The following RCVRN variants were observed in gnomAD, a reference collection of about 807,000 sequenced individuals.
The protein encoded by RCVRN is cancer associated retinopathy antigen.
Under a neutral mutation model 20.4 loss-of-function variants are expected in RCVRN, and 23 were observed. The ratio of observed to expected loss-of-function variants is 1.13; its 90% CI spans 0.81 to 1.60. The LOEUF (loss-of-function observed/expected upper bound fraction) is 1.60. RCVRN is among the 40% of genes most tolerant of loss of function. The pLI is 0.00. For missense variants in RCVRN, 254 were observed against 254.2 expected (o/e 1.00, Z 0.00); for synonymous variants, 105 against 105.9 (o/e 0.99, Z 0.05).
rs2152055159 is a variant in RCVRN at position 9,904,741 on chromosome 17, A to G, written c.381+59T>C. On this transcript the variant is annotated intron_variant, in intron 1 of 2. Coordinates refer to ENST00000226193, the MANE Select transcript of RCVRN (RefSeq NM_002903.3). The surrounding 1 kb of genome is among the most constrained non-coding windows in gnomAD (Gnocchi z 5.8). The stretch of plus-strand genomic sequence containing the variant: ...CCCTCTGCAGCAGCTGCAGCAGGGG[A>G]CCCCCAGCCCGGAGCGACCCCGGCA... 1.3e-6 allele frequency: 2 copies of G among 1,557,968 alleles called. No individual in the cohort carries two copies. Among genetic ancestry groups the G allele is most frequent in the Non-Finnish European group, 1.7e-6 (2 of 1,147,678 alleles).
chr17:9,901,728 G>A (rs930844989), intron 1 of RCVRN, among the ~76,000 whole-genome samples: 1 of 152,260 alleles, frequency 6.6e-6, no homozygotes, highest in Admixed American at 6.5e-5. Flanking sequence ...GAAGCTGGCA[G>A]TGAGTGCCTG....
Position 9,905,109 on chromosome 17 carries a change from C to G in RCVRN, c.72G>C (p.Ser24=), listed in dbSNP as rs112120832. The G allele has an allele frequency of 0.012, 18,947 of 1,609,944 alleles. 135 individuals are homozygous for G. The highest frequency in any genetic ancestry group is 0.013 in the Non-Finnish European group (15,881 of 1,178,192). Residue 24 remains serine, a synonymous_variant, in exon 1 of 3, where the codon TCG becomes TCC. Coordinates refer to ENST00000226193, the MANE Select transcript of RCVRN (RefSeq NM_002903.3). ...LEELQLNTKF[S]EEELCSWYQS... ...GGTACCAGGAGCACAGCTCCTCCTCCGAGAACTTGGTGTTCAGCTGCAGCT... is the reference window on the plus strand; with the variant it reads ...GGTACCAGGAGCACAGCTCCTCCTCGGAGAACTTGGTGTTCAGCTGCAGCT...
At position 9,896,471 on chromosome 17, in the gene RCVRN, C is replaced by T. The variant is rs952585556; in HGVS notation, c.*1624G>A. 6.6e-6 allele frequency: 1 copy of T among 152,224 alleles called. No homozygotes were observed. Among genetic ancestry groups the T allele is most frequent in the East Asian group, 1.9e-4 (1 of 5,192 alleles). 9.4% of individuals were successfully genotyped at this position (152,224 alleles called of 1,614,324 possible). A position where few individuals can be genotyped will look rare whatever the true frequency, so the allele number is the denominator to read the frequency against. Reference sequence around the variant, plus strand: ...GAGACTCCTCAGCCTCAAGAGGTTGCAGACAGGTCAGTCAAGAATCCAGGG... The same window carrying T: ...GAGACTCCTCAGCCTCAAGAGGTTGTAGACAGGTCAGTCAAGAATCCAGGG... On this transcript the variant is annotated 3_prime_UTR_variant, in exon 3 of 3. Transcript: ENST00000226193.
chr17:9,896,598 G>A lies in RCVRN; in HGVS notation c.*1497C>T, dbSNP rs2067318073. On this transcript the variant is annotated 3_prime_UTR_variant, in exon 3 of 3. Transcript: ENST00000226193. ...GGATCTTGGAGAATGCACTGATGGAGTTCCTGGGTATCCCAGGCCCTGGAG... is the reference window on the plus strand; with the variant it reads ...GGATCTTGGAGAATGCACTGATGGAATTCCTGGGTATCCCAGGCCCTGGAG... The A allele has an allele frequency of 6.6e-6, 1 of 152,234 alleles. No individual in the cohort carries two copies. The allele number at this position is 152,234 out of a possible 1,614,324, so 9.4% of individuals were successfully genotyped here.
chr17:9,898,363 AC>A (rs1286486375), intron 2 of RCVRN, among the ~76,000 whole-genome samples, 159 bp from the exon 3 acceptor site: 1 of 151,726 alleles, frequency 6.6e-6, no homozygotes, highest in Non-Finnish European at 1.5e-5. Context: ...ATATTCCCCC[AC>A]CCCAGTCCAG....
intron 1 of RCVRN, among the ~76,000 whole-genome samples, chr17:9,902,262 G>A (rs962199509): frequency 1.3e-5 from 2 of 152,128 alleles, no homozygotes; most frequent in Non-Finnish European, 2.9e-5. Context: ...CAGCCAATCC[G>A]AGGGAGCTTT....
In RCVRN at chr17:9,896,369, G is replaced by A. The variant is rs1404661567; in HGVS notation, c.*1726C>T. 6.6e-6 allele frequency: 1 copy of A among 152,220 alleles called. No individual in the cohort carries two copies. Among genetic ancestry groups the A allele is most frequent in the Non-Finnish European group, 1.5e-5 (1 of 68,070 alleles). The allele number at this position is 152,220 out of a possible 1,614,324, so 9.4% of individuals were successfully genotyped here. On this transcript the variant is annotated 3_prime_UTR_variant, in exon 3 of 3. Transcript: ENST00000226193. ...ACGTTTGCTCTCCACACAGAGGAGTGCTCTTTGGCAGTGGTGATTGTGTCA... is the reference window on the plus strand; with the variant it reads ...ACGTTTGCTCTCCACACAGAGGAGTACTCTTTGGCAGTGGTGATTGTGTCA...
rs527846328 is a variant in RCVRN, at chr17:9,896,424, A to G, written c.*1671T>C. On this transcript the variant is annotated 3_prime_UTR_variant, in exon 3 of 3. Coordinates refer to ENST00000226193, the MANE Select transcript of RCVRN (RefSeq NM_002903.3). ...TGTGGCTAAAGTGGGGTCTGGAGGC[A>G]TCACCACAATACCAGCAACTAGAGA... 8.5e-5 allele frequency: 13 copies of G among 152,396 alleles called. No individual in the cohort carries two copies. The highest frequency in any genetic ancestry group is 2.9e-4 in the African/African-American group (12 of 41,586). 9.4% of individuals were successfully genotyped at this position (152,396 alleles called of 1,614,324 possible).
At chr17:9,900,848 A>T in intron 2 of RCVRN, 141 bp downstream of exon 2, 1 of 576,000 alleles carries the variant, frequency 1.7e-6, no homozygotes, top group Non-Finnish European at 3.1e-6. Flanking sequence ...AACCCTTCAA[A>T]CAGCTCTGAA....
In RCVRN at chr17:9,898,144, A is replaced by C. The variant is rs763028675; in HGVS notation, c.554T>G (p.Leu185Arg). The change falls in exon 3 of 3, where the codon CTG (leucine) becomes CGG (arginine). Residue 185 changes from leucine to arginine, a missense_variant. Transcript: ENST00000226193. ...CACTTTTTGAGGCTCAAACTGGATC[A>C]GTCGCAGAATTTCCTTATTGGCCAG... ...GTLANKEILR[L>R]IQFEPQKVKE... 1.2e-6 allele frequency: 2 copies of C among 1,614,000 alleles called. No individual in the cohort carries two copies. Among genetic ancestry groups the C allele is most frequent in the African/African-American group, 2.7e-5 (2 of 74,926 alleles).
rs1377611746 is a variant in RCVRN at position 9,899,014 on chromosome 17, A to G, written c.494-810T>C. On this transcript the variant is annotated intron_variant, in intron 2 of 2. Transcript: ENST00000226193. The surrounding 1 kb of genome is among the most constrained non-coding windows in gnomAD (Gnocchi z 4.6). The stretch of plus-strand genomic sequence containing the variant: ...CACTGTGCTTGGAGCCAAGGCCACC[A>G]CAGGGAGCGGAGGCGGGGTGTACAA... 6.6e-6 allele frequency among the ~76,000 whole-genome samples: 1 copy of G among 152,164 alleles called. No individual in the cohort carries two copies. The highest frequency in any genetic ancestry group is 1.5e-5 in the Non-Finnish European group (1 of 68,030).
rs1261629874 is a variant in RCVRN, at chr17:9,898,054, T to C, written c.*41A>G. On this transcript the variant is annotated 3_prime_UTR_variant, in exon 3 of 3. Coordinates refer to ENST00000226193, the MANE Select transcript of RCVRN (RefSeq NM_002903.3). ...TGTGCACAGGCGCTCACGGGTGTCA[T>C]GTGAGTGGTAGGTGGAGGGAGGACA... The C allele has an allele frequency of 3.0e-6, 4 of 1,341,042 alleles. No individual in the cohort carries two copies. The Admixed American group carries it at 5.0e-5, about 17-fold the overall frequency. 83.1% of individuals were successfully genotyped at this position (1,341,042 alleles called of 1,614,324 possible).
chr17:9,903,490 G>A (rs6503269), intron 1 of RCVRN, among the ~76,000 whole-genome samples: 76,498 of 152,038 alleles, frequency 0.5, 19,352 homozygotes, highest in Admixed American at 0.54. Context: ...GGGAGAACAT[G>A]AGGACTAGAA....
chr17:9,898,229 C>T (rs753106754), intron 2 of RCVRN, 25 bp from the exon 3 acceptor site: 14 of 1,434,416 alleles, frequency 9.8e-6, no homozygotes, highest in Admixed American at 1.7e-5. Flanking sequence ...AAAATATATA[C>T]GTACATAAAA....
Position 9,897,213 on chromosome 17 carries a change from G to A in RCVRN, c.*882C>T, listed in dbSNP as rs60417366. 3.3e-5 allele frequency: 5 copies of A among 152,148 alleles called. No homozygotes were observed. Among genetic ancestry groups the A allele is most frequent in the South Asian group, 4.1e-4 (2 of 4,820 alleles). The allele number at this position is 152,148 out of a possible 1,614,324, so 9.4% of individuals were successfully genotyped here. On this transcript the variant is annotated 3_prime_UTR_variant, in exon 3 of 3. Coordinates refer to ENST00000226193, the MANE Select transcript of RCVRN (RefSeq NM_002903.3). The stretch of plus-strand genomic sequence containing the variant: ...CCACAGGCTGCAGGGAGGGCTTTGC[G>A]TGGTCCAGCCCCCGCCTACCTTTTA...
intron 1 of RCVRN, among the ~76,000 whole-genome samples, chr17:9,901,583 G>A (rs1341845123): frequency 1.3e-5 from 2 of 152,210 alleles, no homozygotes; most frequent in African/African-American, 4.8e-5. Context: ...GGAGTAAAGA[G>A]GCCAAAGCCA....
intron 2 of RCVRN, among the ~76,000 whole-genome samples, 180 bp downstream of exon 2, chr17:9,900,808 CT>C (rs774403786): frequency 1.3e-5 from 2 of 152,170 alleles, no homozygotes; most frequent in Admixed American, 6.5e-5. Flanking sequence ...GTTTTGGCTC[CT>C]GCTCACCCTT....
chr17:9,898,017 C>A lies in RCVRN; in HGVS notation c.*78G>T. On this transcript the variant is annotated 3_prime_UTR_variant, in exon 3 of 3. Coordinates refer to ENST00000226193, the MANE Select transcript of RCVRN (RefSeq NM_002903.3). ...GTGTGTGTGCGCGCGCGTGTGTGTG[C>A]ATGTGTGTGTGTGTGCACAGGCGCT... 1.2e-6 allele frequency: 1 copy of A among 867,482 alleles called. No individual in the cohort carries two copies. The highest frequency in any genetic ancestry group is 2.0e-6 in the Non-Finnish European group (1 of 505,254). The allele number at this position is 867,482 out of a possible 1,614,324, so 53.7% of individuals were successfully genotyped here. A position where few individuals can be genotyped will look rare whatever the true frequency, so the allele number is the denominator to read the frequency against.
At position 9,896,641 on chromosome 17, in the gene RCVRN, G is replaced by A. The variant is rs1182567124; in HGVS notation, c.*1454C>T. The A allele has an allele frequency of 1.3e-5, 2 of 152,206 alleles. No homozygotes were observed. The highest frequency in any genetic ancestry group is 2.9e-5 in the Non-Finnish European group (2 of 68,072). 9.4% of individuals were successfully genotyped at this position (152,206 alleles called of 1,614,324 possible). On this transcript the variant is annotated 3_prime_UTR_variant, in exon 3 of 3. Coordinates refer to ENST00000226193, the MANE Select transcript of RCVRN (RefSeq NM_002903.3). ...CCCTGGAGCTTTGAGGAGGCAGTTG[G>A]GGGCCGGTGGGTAGCCCTTGCCTGA... is the stretch of plus-strand genomic sequence containing the variant.
Sources: allele counts gnomAD v4.1 joint callset (sites outside exome capture counted in the v4.1 genomes callset), GRCh38; gene constraint gnomAD v4.1.1; non-coding constraint Gnocchi (gnomAD v3.1); transcripts MANE v1.5; gene names NCBI Gene and HGNC (gene_info 2026-07-23, HGNC 2026-07-21).